Variants in RNF13 observed in about 807,000 individuals in gnomAD.
RNF13 encodes ring finger protein 13.
RNF13 carries 19 observed loss-of-function variants against 37.7 expected under a neutral mutation model. The ratio of observed to expected loss-of-function variants is 0.50; its 90% CI spans 0.35 to 0.74. The LOEUF (loss-of-function observed/expected upper bound fraction) is 0.74. Among genes scored for constraint, RNF13 ranks in the 30% least tolerant of loss-of-function variants. RNF13 has a pLI of 0.01. For synonymous variants in RNF13, 144 were observed against 157.8 expected (o/e 0.91, Z 0.65); for missense variants, 375 against 453.0 (o/e 0.83, Z 1.56).
chr3:149,852,425 AAAT>A (rs1723198616), intron 2 of RNF13, 88 bp from the exon 3 acceptor site: 9 of 529,054 alleles, frequency 1.7e-5, no homozygotes, highest in Non-Finnish European at 2.6e-5. Flanking sequence ...AGAATTGTCA[AAAT>A]AATAATTATA....
chr3:149,921,054 A>G, intron 7 of RNF13, 80 bp from the exon 8 acceptor site: 2 of 482,826 alleles, frequency 4.1e-6, no homozygotes, highest in South Asian at 6.9e-5. Context: ...CAGAAACTTA[A>G]AAGATATTTG....
intron 1 of RNF13, among the ~76,000 whole-genome samples, chr3:149,829,714 T>A (rs1459181200): frequency 1.3e-5 from 2 of 152,230 alleles, no homozygotes; most frequent in Non-Finnish European, 2.9e-5. Flanking sequence ...TTATGACAAC[T>A]TCTGATCCAG....
intron 5 of RNF13, among the ~76,000 whole-genome samples, chr3:149,896,851 T>C (rs1218880702): frequency 6.6e-6 from 1 of 152,146 alleles, no homozygotes; most frequent in Non-Finnish European, 1.5e-5. Flanking sequence ...TATTAATACA[T>C]TTCTTAATTT....
intron 3 of RNF13, among the ~76,000 whole-genome samples, chr3:149,856,151 T>C (rs1297706042): frequency 6.6e-6 from 1 of 151,962 alleles, no homozygotes; most frequent in Non-Finnish European, 1.5e-5. Context: ...GATATCTGTC[T>C]GCTTTTTGCA....
At chr3:149,828,038 G>A (rs1720677691) in intron 1 of RNF13, among the ~76,000 whole-genome samples, 1 of 151,830 alleles carries the variant, frequency 6.6e-6, no homozygotes, top group Non-Finnish European at 1.5e-5. Flanking sequence ...GGTAAGCCAT[G>A]TTAAGTTTCA....
chr3:149,841,789 C>T (rs1576747487), intron 1 of RNF13, among the ~76,000 whole-genome samples: 1 of 151,968 alleles, frequency 6.6e-6, no homozygotes, highest in African/African-American at 2.4e-5. Flanking sequence ...ATTACCGTGC[C>T]TGGCTAATTT....
intron 4 of RNF13, among the ~76,000 whole-genome samples, chr3:149,876,346 G>A (rs965831188): frequency 6.6e-6 from 1 of 152,178 alleles, no homozygotes; most frequent in African/African-American, 2.4e-5. Flanking sequence ...AGACTGAAAG[G>A]ACTTAGATAT....
intron 1 of RNF13, among the ~76,000 whole-genome samples, chr3:149,824,133 C>T (rs949052543): frequency 1.3e-5 from 2 of 152,182 alleles, no homozygotes; most frequent in African/African-American, 4.8e-5. Flanking sequence ...AATACAATAG[C>T]AGATTATAAC....
At position 149,871,918 on chromosome 3, in the gene RNF13, T is replaced by C. The variant is rs115656716; in HGVS notation, c.196-111T>C. The C allele has an allele frequency of 9.5e-3, 7,221 of 757,408 alleles. 54 individuals are homozygous for C. The highest frequency in any genetic ancestry group is 0.011 in the Non-Finnish European group (5,891 of 520,960). 46.9% of individuals were successfully genotyped at this position (757,408 alleles called of 1,614,324 possible). The stretch of plus-strand genomic sequence containing the variant: ...GTGAGCAATTTTACATGCCCAATGA[T>C]ACATCTAGCATAATGCAAAACACAT... On this transcript the variant is annotated intron_variant, in intron 3 of 9. Coordinates refer to ENST00000392894, the MANE Select transcript of RNF13 (RefSeq NM_183381.3).
chr3:149,955,247 A>G (rs1301672646), intron 8 of RNF13, among the ~76,000 whole-genome samples: 1 of 151,904 alleles, frequency 6.6e-6, no homozygotes, highest in East Asian at 1.9e-4. Flanking sequence ...AAATGGAGTA[A>G]TAGTTAATTT....
chr3:149,856,384 T>A (rs1047929683), intron 3 of RNF13, among the ~76,000 whole-genome samples: 17 of 152,194 alleles, frequency 1.1e-4, no homozygotes, highest in African/African-American at 3.9e-4. Context: ...AATAAATACG[T>A]TAAAAATATA....
intron 2 of RNF13, 131 bp from the exon 3 acceptor site, chr3:149,852,385 G>C (rs1723196077): frequency 6.9e-6 from 3 of 434,150 alleles, no homozygotes; most frequent in Non-Finnish European, 1.2e-5. Context: ...TACAAATTCA[G>C]TTTTATTTTG....
At chr3:149,931,764 C>A (rs143038482) in intron 8 of RNF13, among the ~76,000 whole-genome samples, 76 of 152,240 alleles carry the variant, frequency 5.0e-4, no homozygotes, top group African/African-American at 1.8e-3. Context: ...CTATAGTTGC[C>A]TTACCATACT....
At chr3:149,817,577 T>C (rs977985880) in intron 1 of RNF13, among the ~76,000 whole-genome samples, 1 of 152,208 alleles carries the variant, frequency 6.6e-6, no homozygotes, top group Non-Finnish European at 1.5e-5. Flanking sequence ...AATCAGAGAC[T>C]CTGTGTGCTT....
chr3:149,830,673 A>G (rs1431432040), intron 1 of RNF13, among the ~76,000 whole-genome samples: 2 of 148,478 alleles, frequency 1.3e-5, no homozygotes, highest in Admixed American at 1.3e-4. Flanking sequence ...AATAGAAAAG[A>G]AAAACCCATT....
At chr3:149,868,940 T>G (rs1711662712) in intron 3 of RNF13, among the ~76,000 whole-genome samples, 1 of 151,838 alleles carries the variant, frequency 6.6e-6, no homozygotes, top group Non-Finnish European at 1.5e-5. Flanking sequence ...TTCTATACCT[T>G]ACTTTTGCTC....
chr3:149,925,836 T>C (rs565907893), intron 8 of RNF13, among the ~76,000 whole-genome samples: 20 of 152,284 alleles, frequency 1.3e-4, no homozygotes, highest in Middle Eastern at 3.4e-3. Flanking sequence ...TCACCAACAG[T>C]CTATAGGAGT....
At chr3:149,878,291 G>A (rs1712982316) in intron 4 of RNF13, among the ~76,000 whole-genome samples, 1 of 152,132 alleles carries the variant, frequency 6.6e-6, no homozygotes, top group African/African-American at 2.4e-5. Flanking sequence ...ATAAATGAAC[G>A]ATGTCTAGGT....
chr3:149,869,850 G>A (rs1490413006), intron 3 of RNF13, among the ~76,000 whole-genome samples: 2 of 151,768 alleles, frequency 1.3e-5, no homozygotes, highest in Admixed American at 6.6e-5. Flanking sequence ...TTGGCTATAG[G>A]TGATGCCTTA....
Sources: allele counts gnomAD v4.1 joint callset (sites outside exome capture counted in the v4.1 genomes callset), GRCh38; gene constraint gnomAD v4.1.1; transcripts MANE v1.5; gene names NCBI Gene and HGNC (gene_info 2026-07-23, HGNC 2026-07-21).